The following UTRN variants were observed in gnomAD, a reference collection of about 807,000 sequenced individuals.
The protein encoded by UTRN is utrophin, also known as dystrophin-related protein 1.
A neutral mutation model predicts 463.9 loss-of-function variants in UTRN; 283 were observed. The observed-to-expected ratio is 0.61, with a 90% CI of 0.55 to 0.67. The LOEUF is 0.67. UTRN is among the 30% of genes least tolerant of loss of function. The probability of loss-of-function intolerance (pLI) is 0.00; values close to 1 mark genes in which losing one functional copy is unlikely to be tolerated. For missense variants in UTRN, 3,922 were observed against 4,084.3 expected (o/e 0.96, Z 1.08); for synonymous variants, 1,442 against 1,431.5 (o/e 1.01, Z -0.17).
chr6:144,533,034 A>G (rs1190436594), intron 42 of UTRN, 51 bp from the exon 43 acceptor site: 9 of 1,020,200 alleles, frequency 8.8e-6, no homozygotes, highest in East Asian at 2.5e-5. Flanking sequence ...TCATTGCATC[A>G]GAATCATTTA....
chr6:144,754,615 C>T (rs1791782027), intron 56 of UTRN, 105 bp from the exon 57 acceptor site: 1 of 995,180 alleles, frequency 1.0e-6, no homozygotes, highest in African/African-American at 1.7e-5. Context: ...CAATCATATC[C>T]TGGGCAATAG....
At chr6:144,419,717 T>C (rs1294238424) in intron 3 of UTRN, among the ~76,000 whole-genome samples, 1 of 152,146 alleles carries the variant, frequency 6.6e-6, no homozygotes, top group African/African-American at 2.4e-5. Flanking sequence ...AGTTCAAGGG[T>C]CAGCTCCTGT....
chr6:144,348,049 G>A (rs1562276901), intron 2 of UTRN, among the ~76,000 whole-genome samples: 2 of 151,888 alleles, frequency 1.3e-5, no homozygotes, highest in South Asian at 4.2e-4. Flanking sequence ...ATCTCACTAT[G>A]TTGCCCAGGC....
intron 23 of UTRN, among the ~76,000 whole-genome samples, chr6:144,463,869 A>G (rs973568620): frequency 2.6e-5 from 4 of 151,248 alleles, no homozygotes; most frequent in African/African-American, 9.7e-5. Flanking sequence ...ATGTGTAGAT[A>G]TATATCTATA....
At chr6:144,356,154 A>G (rs763071771) in intron 2 of UTRN, among the ~76,000 whole-genome samples, 1 of 152,202 alleles carries the variant, frequency 6.6e-6, no homozygotes, top group East Asian at 1.9e-4. Flanking sequence ...ATGAATGACA[A>G]TCATTACTTA....
chr6:144,791,306 A>C (rs748606442), intron 62 of UTRN, among the ~76,000 whole-genome samples: 1 of 152,156 alleles, frequency 6.6e-6, no homozygotes, highest in Non-Finnish European at 1.5e-5. Context: ...TCTTCACCCC[A>C]TAACACCTTC....
chr6:144,796,757 A>G (rs1387183694), intron 63 of UTRN, among the ~76,000 whole-genome samples: 1 of 151,960 alleles, frequency 6.6e-6, no homozygotes, highest in Non-Finnish European at 1.5e-5. Flanking sequence ...ATTGCTAGGG[A>G]AAAAAAAGGC....
intron 54 of UTRN, among the ~76,000 whole-genome samples, chr6:144,746,546 G>A (rs576970595): frequency 2.6e-5 from 4 of 151,854 alleles, no homozygotes; most frequent in South Asian, 4.2e-4. Flanking sequence ...GCACTGTGTC[G>A]GCTCACTGCA....
chr6:144,296,133 C>A (rs1804668931), intron 2 of UTRN, among the ~76,000 whole-genome samples: 2 of 152,154 alleles, frequency 1.3e-5, no homozygotes, highest in South Asian at 4.2e-4. Context: ...AACAGGGCTC[C>A]CCAACTCCCA....
At chr6:144,804,521 G>C (rs1777974606) in intron 65 of UTRN, among the ~76,000 whole-genome samples, 1 of 152,158 alleles carries the variant, frequency 6.6e-6, no homozygotes. Flanking sequence ...ATGTATTTCT[G>C]TTTGTACAGA....
intron 53 of UTRN, among the ~76,000 whole-genome samples, chr6:144,714,802 T>A (rs1229391846): frequency 2.6e-5 from 4 of 152,194 alleles, no homozygotes; most frequent in Non-Finnish European, 5.9e-5. Context: ...CTCTGTTTGT[T>A]AGTGTTGGCT....
chr6:144,700,928 A>G (rs149853360), intron 53 of UTRN, among the ~76,000 whole-genome samples: 2,043 of 140,428 alleles, frequency 0.015, 44 homozygotes, highest in African/African-American at 0.051. Context: ...TTTTTTTTAG[A>G]TGGAGTCTCG....
At chr6:144,660,613 C>T (rs993024192) in intron 51 of UTRN, among the ~76,000 whole-genome samples, 5 of 151,980 alleles carry the variant, frequency 3.3e-5, no homozygotes, top group Non-Finnish European at 7.4e-5. Flanking sequence ...CAGCAAAAAA[C>T]ACTGGGTATT....
At chr6:144,451,869 A>G (rs1423732479) in intron 18 of UTRN, among the ~76,000 whole-genome samples, 1 of 152,212 alleles carries the variant, frequency 6.6e-6, no homozygotes, top group Non-Finnish European at 1.5e-5. Context: ...ACAACAAACT[A>G]TTTTAAATCA....
At chr6:144,717,924 T>A (rs935489336) in intron 53 of UTRN, among the ~76,000 whole-genome samples, 1 of 152,114 alleles carries the variant, frequency 6.6e-6, no homozygotes, top group Non-Finnish European at 1.5e-5. Context: ...CATGAGCCAC[T>A]GTGCCCAGCC....
chr6:144,293,401 A>G (rs966897886), intron 2 of UTRN, among the ~76,000 whole-genome samples: 6 of 152,202 alleles, frequency 3.9e-5, no homozygotes, highest in African/African-American at 1.2e-4. Context: ...ATGAACATAT[A>G]AACTCCCAAA....
chr6:144,610,882 A>C (rs1185001112), intron 51 of UTRN, among the ~76,000 whole-genome samples: 1 of 151,588 alleles, frequency 6.6e-6, no homozygotes, highest in Non-Finnish European at 1.5e-5. Flanking sequence ...TTTCAAAAAA[A>C]CCAAACCAAA....
intron 65 of UTRN, among the ~76,000 whole-genome samples, chr6:144,804,234 A>T (rs1416545771): frequency 6.6e-6 from 1 of 152,216 alleles, no homozygotes; most frequent in African/African-American, 2.4e-5. Context: ...ATCTCAAATA[A>T]ATAAGTGCCC....
At chr6:144,413,372 G>A (rs1446260257) in intron 3 of UTRN, among the ~76,000 whole-genome samples, 5 of 152,136 alleles carry the variant, frequency 3.3e-5, no homozygotes, top group African/African-American at 1.2e-4. Context: ...AAGGAAAGAG[G>A]TTTAATTGAC....
Sources: allele counts gnomAD v4.1 joint callset (sites outside exome capture counted in the v4.1 genomes callset), GRCh38; gene constraint gnomAD v4.1.1; transcripts MANE v1.5; gene names NCBI Gene and HGNC (gene_info 2026-07-23, HGNC 2026-07-21).